The following GRM5 variants were observed in gnomAD, a reference collection of about 807,000 sequenced individuals.
GRM5 encodes glutamate metabotropic receptor 5, also known as metabotropic glutamate receptor 5.
A neutral mutation model predicts 83.1 loss-of-function variants in GRM5; 19 were observed. That is an observed-to-expected ratio of 0.23 (90% CI 0.16 to 0.34). GRM5 has a LOEUF of 0.34. GRM5 is among the 10% of genes least tolerant of loss of function. The probability of loss-of-function intolerance (pLI) is 1.00; values close to 1 mark genes in which losing one functional copy is unlikely to be tolerated. For synonymous variants in GRM5, 675 were observed against 633.6 expected (o/e 1.07, Z -0.98); for missense variants, 1,160 against 1,588.3 (o/e 0.73, Z 4.58).
intron 3 of GRM5, among the ~76,000 whole-genome samples, chr11:88,848,216 C>T (rs185649778): frequency 2.6e-5 from 4 of 152,150 alleles, no homozygotes; most frequent in East Asian, 3.9e-4. Flanking sequence ...TGCCAACTAG[C>T]GACGATTTTG....
At chr11:88,808,144 T>A (rs996604231) in intron 3 of GRM5, among the ~76,000 whole-genome samples, 1 of 152,158 alleles carries the variant, frequency 6.6e-6, no homozygotes, top group Non-Finnish European at 1.5e-5. Context: ...AAGAGACATT[T>A]TACATAGTAT....
intron 2 of GRM5, among the ~76,000 whole-genome samples, chr11:88,935,347 GTA>G (rs1590977210): frequency 8.4e-6 from 1 of 118,354 alleles, no homozygotes; most frequent in African/African-American, 3.4e-5. Context: ...AATAGTGTGT[GTA>G]TGTGTGTGTG....
At chr11:88,820,611 T>C (rs773595969) in intron 3 of GRM5, among the ~76,000 whole-genome samples, 4 of 152,184 alleles carry the variant, frequency 2.6e-5, no homozygotes, top group Non-Finnish European at 5.9e-5. Flanking sequence ...CTCAGAGCAC[T>C]GAATTGCTAA....
chr11:88,888,763 A>T (rs1945088734), intron 2 of GRM5, among the ~76,000 whole-genome samples: 1 of 152,170 alleles, frequency 6.6e-6, no homozygotes, highest in Non-Finnish European at 1.5e-5. Context: ...CTTAAGTTGT[A>T]GACAATCTGG....
At chr11:88,610,889 T>C (rs532129914) in intron 4 of GRM5, among the ~76,000 whole-genome samples, 2 of 152,224 alleles carry the variant, frequency 1.3e-5, no homozygotes, top group Non-Finnish European at 2.9e-5. Context: ...TTGATGTATG[T>C]TCCTTTGTTG....
At chr11:88,608,238 G>C (rs918283358) in intron 4 of GRM5, among the ~76,000 whole-genome samples, 2 of 151,978 alleles carry the variant, frequency 1.3e-5, no homozygotes, top group African/African-American at 4.8e-5. Flanking sequence ...ACACAAGTTG[G>C]TAACCAGTGC....
At chr11:88,826,252 G>T (rs1352371569) in intron 3 of GRM5, among the ~76,000 whole-genome samples, 1 of 151,850 alleles carries the variant, frequency 6.6e-6, no homozygotes, top group Non-Finnish European at 1.5e-5. Context: ...ACAAGAAAGA[G>T]TATTTTACTT....
chr11:88,534,084 C>T (rs969815062), intron 8 of GRM5, among the ~76,000 whole-genome samples: 5 of 152,156 alleles, frequency 3.3e-5, no homozygotes, highest in Non-Finnish European at 5.9e-5. Context: ...AAATGTCTGA[C>T]GTCCAGGCAG....
chr11:88,936,576 A>G (rs1029843152), intron 2 of GRM5, among the ~76,000 whole-genome samples: 2 of 151,874 alleles, frequency 1.3e-5, no homozygotes, highest in African/African-American at 2.4e-5. Context: ...TAAACCAAGG[A>G]AAGCTGATAA....
intron 3 of GRM5, among the ~76,000 whole-genome samples, chr11:88,751,072 C>CAAAAAAAAAAAAAAAA (rs774458890): frequency 8.2e-4 from 39 of 47,348 alleles, no homozygotes; most frequent in African/African-American, 2.4e-3. Flanking sequence ...TAGCAGAAGC[C>CAAAAAAAAAAAAAAAA]AAAAAAAAAA....
intron 2 of GRM5, among the ~76,000 whole-genome samples, chr11:88,889,416 T>A (rs1345390222): frequency 6.6e-6 from 1 of 152,104 alleles, no homozygotes. Context: ...AATTTTGCAA[T>A]GACAGTTTCA....
intron 2 of GRM5, among the ~76,000 whole-genome samples, chr11:88,985,757 T>C (rs867884460): frequency 1.6e-4 from 25 of 152,152 alleles, no homozygotes; most frequent in African/African-American, 5.5e-4. Flanking sequence ...ACTGTATGGA[T>C]GCTTGCAGAT....
In GRM5 at chr11:88,875,374, C is replaced by T. The variant is rs555639526; in HGVS notation, c.662-25219G>A. 3.9e-5 allele frequency among the ~76,000 whole-genome samples: 6 copies of T among 152,088 alleles called. No individual in the cohort carries two copies. In the South Asian group the frequency reaches 1.2e-3, roughly 32 times the overall value. ...TTGTATAAATTCACATTGTGAGGCTCACCTTCTAACTCTGGTTCTCTTACT... is the reference window on the plus strand; with the variant it reads ...TTGTATAAATTCACATTGTGAGGCTTACCTTCTAACTCTGGTTCTCTTACT... On this transcript the variant is annotated intron_variant, in intron 2 of 9. Transcript: ENST00000305447.
chr11:88,928,087 A>T (rs1363048494), intron 2 of GRM5, among the ~76,000 whole-genome samples: 3 of 152,086 alleles, frequency 2.0e-5, no homozygotes, highest in Non-Finnish European at 4.4e-5. Context: ...CCCTCTTAGG[A>T]TTATGTGCAG....
rs561841228 is a variant in GRM5, at chr11:88,760,748, C to A, written c.911+89158G>T. Among the ~76,000 whole-genome samples, 13 of 141,732 alleles carry A rather than the reference C, an allele frequency of 9.2e-5. No individual in the cohort carries two copies. In the East Asian group the frequency reaches 2.5e-3, roughly 27 times the overall value. The allele number at this position is 141,732 out of a possible 152,430, so 93.0% of individuals were successfully genotyped here. A position where few individuals can be genotyped will look rare whatever the true frequency, so the allele number is the denominator to read the frequency against. On this transcript the variant is annotated intron_variant, in intron 3 of 9. Transcript: ENST00000305447. ...TTGATACCAAAATCTCACAGAGATA[C>A]AACAAAAAAAGAAAACTTCAGGCCA...
At chr11:88,987,392 C>G (rs1057194053) in intron 2 of GRM5, among the ~76,000 whole-genome samples, 19 of 152,180 alleles carry the variant, frequency 1.2e-4, no homozygotes, top group African/African-American at 4.6e-4. Flanking sequence ...GCTAGCACAG[C>G]AGTCTGAGAT....
chr11:88,788,355 T>G (rs955294957), intron 3 of GRM5, among the ~76,000 whole-genome samples: 1 of 152,090 alleles, frequency 6.6e-6, no homozygotes, highest in Admixed American at 6.6e-5. Flanking sequence ...GACTCAGGGA[T>G]CCTGAGAGGG....
chr11:89,042,037 C>T (rs1941547805), intron 2 of GRM5, among the ~76,000 whole-genome samples: 1 of 152,030 alleles, frequency 6.6e-6, no homozygotes, highest in Non-Finnish European at 1.5e-5. Context: ...TGCTATTTCT[C>T]AAGGCTAATT....
At chr11:88,861,886 C>T (rs929611677) in intron 2 of GRM5, among the ~76,000 whole-genome samples, 2 of 152,148 alleles carry the variant, frequency 1.3e-5, no homozygotes, top group African/African-American at 2.4e-5. Context: ...ATTTGTCTTA[C>T]TCCATAAAAG....
Sources: gnomAD v4.1 joint callset for allele counts (sites outside exome capture counted in the v4.1 genomes callset) on GRCh38, gnomAD v4.1.1 for gene constraint, MANE v1.5 for transcripts, NCBI Gene and HGNC (gene_info 2026-07-23, HGNC 2026-07-21) for gene names.